CACNA2D3: variants seen among roughly 807,000 people sequenced by gnomAD.
CACNA2D3 encodes the protein calcium voltage-gated channel auxiliary subunit alpha2delta 3.
CACNA2D3 carries 60 observed loss-of-function variants against 160.6 expected under a neutral mutation model. That is an observed-to-expected ratio of 0.37 (90% CI 0.30 to 0.46). CACNA2D3 has a LOEUF of 0.46. Ranked by LOEUF, CACNA2D3 falls within the 20% of genes least tolerant of loss-of-function variation. CACNA2D3 has a pLI of 1.00. For missense variants in CACNA2D3, 1,205 were observed against 1,365.0 expected (o/e 0.88, Z 1.85); for synonymous variants, 558 against 492.9 (o/e 1.13, Z -1.75).
chr3:54,451,252 T>TTTTA (rs1700303666), intron 4 of CACNA2D3, among the ~76,000 whole-genome samples: 1 of 122,030 alleles, frequency 8.2e-6, no homozygotes, highest in Non-Finnish European at 1.7e-5. Flanking sequence ...TTTTTTTTTT[T>TTTTA]TTTTTTTTTG....
chr3:54,443,834 G>A (rs1349428395), intron 4 of CACNA2D3, among the ~76,000 whole-genome samples: 1 of 152,200 alleles, frequency 6.6e-6, no homozygotes, highest in East Asian at 1.9e-4. Flanking sequence ...ATAGATCAAA[G>A]TGACCGCAAA....
At chr3:54,175,759 C>T (rs1052132279) in intron 2 of CACNA2D3, among the ~76,000 whole-genome samples, 1 of 151,972 alleles carries the variant, frequency 6.6e-6, no homozygotes, top group Admixed American at 6.6e-5. Context: ...CTTGAGGTTA[C>T]AGAAAGAATA....
intron 11 of CACNA2D3, among the ~76,000 whole-genome samples, chr3:54,699,882 A>G (rs1481418417): frequency 6.6e-6 from 1 of 152,178 alleles, no homozygotes; most frequent in Non-Finnish European, 1.5e-5. Flanking sequence ...CTTACTGGAC[A>G]GTTTATATTC....
intron 11 of CACNA2D3, among the ~76,000 whole-genome samples, chr3:54,649,802 G>C (rs992880315): frequency 2.6e-5 from 4 of 152,180 alleles, no homozygotes; most frequent in African/African-American, 2.4e-5. Flanking sequence ...AAGAATCTTT[G>C]GGAGACACAT....
At chr3:54,628,184 A>G (rs1699163513) in intron 10 of CACNA2D3, among the ~76,000 whole-genome samples, 1 of 152,050 alleles carries the variant, frequency 6.6e-6, no homozygotes, top group Non-Finnish European at 1.5e-5. Flanking sequence ...GTGAGCCGAG[A>G]TTGTGCACTC....
intron 24 of CACNA2D3, among the ~76,000 whole-genome samples, chr3:54,891,007 A>G (rs1331973889): frequency 6.6e-6 from 1 of 152,178 alleles, no homozygotes; most frequent in South Asian, 2.1e-4. Context: ...AGTCCTTCCC[A>G]TTCTTAGCCT....
intron 35 of CACNA2D3, among the ~76,000 whole-genome samples, chr3:55,039,791 A>G (rs1703918619): frequency 6.6e-6 from 1 of 152,250 alleles, no homozygotes; most frequent in Admixed American, 6.5e-5. Context: ...TGGCTTTGCC[A>G]AAATCTTTTA....
intron 35 of CACNA2D3, among the ~76,000 whole-genome samples, chr3:55,057,998 C>T (rs1358269965): frequency 6.6e-6 from 1 of 152,008 alleles, no homozygotes; most frequent in East Asian, 1.9e-4. Flanking sequence ...AAAAAAAAAT[C>T]CATAGGAACA....
At chr3:54,589,603 A>G (rs1559520452) in intron 9 of CACNA2D3, among the ~76,000 whole-genome samples, 1 of 152,164 alleles carries the variant, frequency 6.6e-6, no homozygotes, top group South Asian at 2.1e-4. Context: ...CTCTGTTAAC[A>G]GGATGAAAAG....
intron 2 of CACNA2D3, among the ~76,000 whole-genome samples, chr3:54,142,466 A>G (rs1699955188): frequency 6.6e-6 from 1 of 152,132 alleles, no homozygotes; most frequent in South Asian, 2.1e-4. Context: ...TGTTCATTAT[A>G]GCTGACCTTG....
intron 10 of CACNA2D3, among the ~76,000 whole-genome samples, chr3:54,628,094 T>C (rs1231484479): frequency 1.3e-5 from 2 of 152,114 alleles, no homozygotes; most frequent in Non-Finnish European, 2.9e-5. Flanking sequence ...TAGCCAGGCA[T>C]GGTGGCGGGT....
At chr3:54,446,032 T>C (rs1179756513) in intron 4 of CACNA2D3, among the ~76,000 whole-genome samples, 2 of 152,166 alleles carry the variant, frequency 1.3e-5, no homozygotes. Context: ...GCTTTGGCAA[T>C]GAGGAATCCA....
chr3:54,483,256 T>C (rs539669686), intron 4 of CACNA2D3, among the ~76,000 whole-genome samples: 3 of 152,116 alleles, frequency 2.0e-5, no homozygotes, highest in Non-Finnish European at 4.4e-5. Context: ...ACACAATGAT[T>C]TTTTTTTGAG....
Position 55,009,760 on chromosome 3 carries a change from G to C in CACNA2D3, c.2875+317G>C, listed in dbSNP as rs150758306. 9.7e-4 allele frequency among the ~76,000 whole-genome samples: 148 copies of C among 152,318 alleles called. 1 individual carries two copies. The highest frequency in any genetic ancestry group is 6.8e-3 in the Middle Eastern group (2 of 294). ...GCAATGCTGAAATAGAAGGGAGACA[G>C]ACACACTGCCTGTGTCTCAGGCTAA... On this transcript the variant is annotated intron_variant, in intron 34 of 37. Coordinates refer to ENST00000474759, the MANE Select transcript of CACNA2D3 (RefSeq NM_018398.3).
At chr3:54,795,023 A>G (rs1267937413) in intron 13 of CACNA2D3, among the ~76,000 whole-genome samples, 1 of 152,052 alleles carries the variant, frequency 6.6e-6, no homozygotes, top group Non-Finnish European at 1.5e-5. Flanking sequence ...TGGACTTTTA[A>G]CTGCACATTT....
At chr3:54,317,308 G>C (rs1372905339) in intron 2 of CACNA2D3, among the ~76,000 whole-genome samples, 1 of 152,202 alleles carries the variant, frequency 6.6e-6, no homozygotes, top group Admixed American at 6.5e-5. Context: ...CCCAAGGTAG[G>C]GGTAGGGAAG....
In CACNA2D3 at chr3:54,859,988, A is replaced by G. The variant is rs1424989090; in HGVS notation, c.1627-11551A>G. Reference sequence around the variant, plus strand: ...AAAGTAGATGCACACACACACACACACACACACACACACACACACACACAC... The same window carrying G: ...AAAGTAGATGCACACACACACACACGCACACACACACACACACACACACAC... On this transcript the variant is annotated intron_variant, in intron 17 of 37. Coordinates refer to ENST00000474759, the MANE Select transcript of CACNA2D3 (RefSeq NM_018398.3). Among the ~76,000 whole-genome samples, 9 of 151,362 alleles carry G rather than the reference A, an allele frequency of 5.9e-5. No homozygotes were observed. The East Asian group carries it at 9.7e-4, about 16-fold the overall frequency.
At chr3:54,189,744 C>T (rs531649426) in intron 2 of CACNA2D3, among the ~76,000 whole-genome samples, 16 of 152,290 alleles carry the variant, frequency 1.1e-4, no homozygotes, top group Middle Eastern at 6.8e-3. Context: ...CACCAGAGGC[C>T]TGATCTCAGC....
At chr3:54,228,120 C>T (rs1195974616) in intron 2 of CACNA2D3, among the ~76,000 whole-genome samples, 2 of 152,168 alleles carry the variant, frequency 1.3e-5, no homozygotes, top group Non-Finnish European at 2.9e-5. Context: ...CAAATTTCTG[C>T]CTTGTAGCTT....
Sources: gnomAD v4.1 joint callset for allele counts (sites outside exome capture counted in the v4.1 genomes callset) on GRCh38, gnomAD v4.1.1 for gene constraint, MANE v1.5 for transcripts, NCBI Gene and HGNC (gene_info 2026-07-23, HGNC 2026-07-21) for gene names.